Variants in SHLD2 observed in about 807,000 individuals in gnomAD.
SHLD2 encodes RINN1-REV7-interacting novel NHEJ regulator 2.
SHLD2 carries 30 observed loss-of-function variants against 73.2 expected under a neutral mutation model. That is an observed-to-expected ratio of 0.41 (90% CI 0.31 to 0.56). The LOEUF is 0.56. SHLD2 is among the 20% of genes least tolerant of loss of function. SHLD2 has a pLI of 0.28. For synonymous variants in SHLD2, 285 were observed against 370.1 expected (o/e 0.77, Z 2.64); for missense variants, 745 against 1,055.9 (o/e 0.71, Z 4.08).
At chr10:87,098,238 G>A (rs1433321520) in intron 2 of SHLD2, among the ~76,000 whole-genome samples, 2 of 152,066 alleles carry the variant, frequency 1.3e-5, no homozygotes, top group Admixed American at 6.5e-5. Flanking sequence ...GAGTGGCTGG[G>A]CGTGGTGGCT....
chr10:87,156,717 T>A (rs1846456559), intron 3 of SHLD2, among the ~76,000 whole-genome samples: 1 of 152,206 alleles, frequency 6.6e-6, no homozygotes, highest in Non-Finnish European at 1.5e-5. Flanking sequence ...AATGCTCTCC[T>A]TGAAATTTCT....
intron 7 of SHLD2, among the ~76,000 whole-genome samples, chr10:87,179,612 A>G (rs1848178494): frequency 6.6e-6 from 1 of 152,214 alleles, no homozygotes; most frequent in Non-Finnish European, 1.5e-5. Context: ...CATGTTAGCC[A>G]GGATGGTCTC....
intron 4 of SHLD2, among the ~76,000 whole-genome samples, chr10:87,163,961 C>CTTTT (rs201405790): frequency 8.5e-6 from 1 of 117,906 alleles, no homozygotes; most frequent in African/African-American, 3.2e-5. Flanking sequence ...CTTTTCTTTT[C>CTTTT]TTTTTTTTTT....
At chr10:87,176,800 A>G (rs1847979252) in intron 7 of SHLD2, among the ~76,000 whole-genome samples, 4 of 152,230 alleles carry the variant, frequency 2.6e-5, no homozygotes, top group Admixed American at 2.6e-4. Context: ...AACAAAGACA[A>G]TACCTCTCAA....
intron 4 of SHLD2, among the ~76,000 whole-genome samples, chr10:87,168,220 A>G (rs952797510): frequency 6.6e-6 from 1 of 152,068 alleles, no homozygotes; most frequent in African/African-American, 2.4e-5. Flanking sequence ...AAGTCATGCA[A>G]TCAACCTAGG....
At chr10:87,098,815 A>C (rs1842077978) in intron 2 of SHLD2, among the ~76,000 whole-genome samples, 1 of 152,164 alleles carries the variant, frequency 6.6e-6, no homozygotes, top group African/African-American at 2.4e-5. Context: ...TCACTGTGTC[A>C]CCCAGGCTGG....
chr10:87,119,628 C>G (rs1031022725), intron 2 of SHLD2, among the ~76,000 whole-genome samples: 1 of 151,994 alleles, frequency 6.6e-6, no homozygotes, highest in Non-Finnish European at 1.5e-5. Context: ...GCCATGGTGG[C>G]GCGCACCTGT....
At chr10:87,098,640 T>C (rs1035898691) in intron 2 of SHLD2, among the ~76,000 whole-genome samples, 1 of 152,220 alleles carries the variant, frequency 6.6e-6, no homozygotes, top group African/African-American at 2.4e-5. Context: ...CTATTTATAC[T>C]ATTCCAAGGA....
intron 2 of SHLD2, among the ~76,000 whole-genome samples, chr10:87,149,537 A>G (rs1564597899): frequency 6.6e-6 from 1 of 151,948 alleles, no homozygotes; most frequent in Non-Finnish European, 1.5e-5. Context: ...AGCCTGGCCA[A>G]CATGGTGACA....
At chr10:87,188,126 A>G (rs1213521740) in intron 9 of SHLD2, among the ~76,000 whole-genome samples, 1 of 152,124 alleles carries the variant, frequency 6.6e-6, no homozygotes, top group Non-Finnish European at 1.5e-5. Flanking sequence ...GGTGGGCGGG[A>G]GCAGGGTTGT....
rs1313146719 is a variant in SHLD2, at chr10:87,151,338, C to T, written c.-5-12C>T. 6.7e-7 allele frequency: 1 copy of T among 1,482,566 alleles called. No homozygotes were observed. The highest frequency in any genetic ancestry group is 9.0e-7 in the Non-Finnish European group (1 of 1,111,748). The allele number at this position is 1,482,566 out of a possible 1,614,324, so 91.8% of individuals were successfully genotyped here. A position where few individuals can be genotyped will look rare whatever the true frequency, so the allele number is the denominator to read the frequency against. On this transcript the variant is annotated splice_polypyrimidine_tract_variant and intron_variant, in intron 2 of 9. Transcript: ENST00000298786. ...GACAATATATTAATTTTGGATTTTT[C>T]ATTTTTATCAGAAATCATGAGTGGA... is the stretch of plus-strand genomic sequence containing the variant.
chr10:87,114,754 C>G (rs1055015072), intron 2 of SHLD2, among the ~76,000 whole-genome samples: 1 of 151,824 alleles, frequency 6.6e-6, no homozygotes, highest in Non-Finnish European at 1.5e-5. Context: ...AACAAAAAAC[C>G]AGTCAGTACT....
At chr10:87,189,376 C>A (rs1055696871) in intron 9 of SHLD2, among the ~76,000 whole-genome samples, 1 of 152,200 alleles carries the variant, frequency 6.6e-6, no homozygotes, top group Non-Finnish European at 1.5e-5. Flanking sequence ...ACATATACTT[C>A]AGTGTTTTGT....
intron 2 of SHLD2, among the ~76,000 whole-genome samples, chr10:87,138,250 A>G (rs1194751452): frequency 1.3e-5 from 2 of 152,154 alleles, no homozygotes; most frequent in African/African-American, 4.8e-5. Context: ...GTGAGCTGAG[A>G]TCACACGCCA....
At chr10:87,177,958 G>T (rs1589654933) in intron 7 of SHLD2, among the ~76,000 whole-genome samples, 2 of 152,162 alleles carry the variant, frequency 1.3e-5, no homozygotes, top group East Asian at 3.9e-4. Context: ...TTTTTAGGCT[G>T]GGCAGGGTGG....
At chr10:87,146,164 C>T (rs3129364) in intron 2 of SHLD2, among the ~76,000 whole-genome samples, 4 of 152,144 alleles carry the variant, frequency 2.6e-5, no homozygotes, top group Non-Finnish European at 4.4e-5. Flanking sequence ...GTAACAGTTC[C>T]ACACTTACAA....
At position 87,190,515 on chromosome 10, in the gene SHLD2, C is replaced by T. The variant is rs775413512; in HGVS notation, c.2547C>T (p.Val849=). ...CCTCAGAGATCACCTATGGGATGGT[C>T]GTGGCAGACCTGTTCCACTCCTTGT... The part of the protein sequence containing the change: ...VPSSEITYGM[V]VADLFHSLLA... Residue 849 remains valine, a synonymous_variant, in exon 10 of 10, where the codon GTC becomes GTT. Coordinates refer to ENST00000298786, the MANE Select transcript of SHLD2 (RefSeq NM_001330112.2). 4.3e-6 allele frequency: 7 copies of T among 1,611,928 alleles called. No individual in the cohort carries two copies. Among genetic ancestry groups the T allele is most frequent in the East Asian group, 2.2e-5 (1 of 44,888 alleles).
At chr10:87,094,543 C>A, upstream of SHLD2, 1 of 1,612,492 alleles carries the variant, frequency 6.2e-7, no homozygotes. This position sits in a 1 kb window ranked among gnomAD's most constrained non-coding sequence, Gnocchi z 6.6. Flanking sequence ...GCTGGCGCCG[C>A]GATCGAAGAA....
chr10:87,125,330 T>G (rs997440145), intron 2 of SHLD2, among the ~76,000 whole-genome samples: 1 of 152,246 alleles, frequency 6.6e-6, no homozygotes, highest in African/African-American at 2.4e-5. Context: ...TTTAGAGTAA[T>G]GTAAAATTAA....
Sources: allele counts gnomAD v4.1 joint callset (sites outside exome capture counted in the v4.1 genomes callset), GRCh38; gene constraint gnomAD v4.1.1; non-coding constraint Gnocchi (gnomAD v3.1); transcripts MANE v1.5; gene names NCBI Gene and HGNC (gene_info 2026-07-23, HGNC 2026-07-21).